ATP10A: variants seen among roughly 807,000 people sequenced by gnomAD.
ATP10A encodes the protein ATPase phospholipid transporting 10A (putative).
In ATP10A, 111 loss-of-function variants were observed where a neutral mutation model predicts 147.8. That is an observed-to-expected ratio of 0.75 (90% confidence interval 0.64 to 0.88). The LOEUF (loss-of-function observed/expected upper bound fraction) is 0.88. Ranked by LOEUF, ATP10A falls within the 40% of genes least tolerant of loss-of-function variation. The probability of loss-of-function intolerance (pLI) is 0.00; values close to 1 mark genes in which losing one functional copy is unlikely to be tolerated. For missense variants in ATP10A, 1,927 were observed against 1,959.0 expected (o/e 0.98, Z 0.31); for synonymous variants, 875 against 841.6 (o/e 1.04, Z -0.69).
Position 25,679,489 on chromosome 15 carries a change from CCCAGCCTGCTGA to C in ATP10A, c.4340_4351del (p.Val1447_Leu1450del). On this transcript the variant is annotated inframe_deletion, in exon 21 of 21. Coordinates refer to ENST00000555815, the MANE Select transcript of ATP10A (RefSeq NM_024490.4). ...CGTCCGGGAGAACTGTAAGACACTC[CCCAGCCTGCTGA>C]CCAGCGACCAGGAGGAAATCCAGTT... 1 of 1,613,956 alleles carries C rather than the reference CCCAGCCTGCTGA, an allele frequency of 6.2e-7. No homozygotes were observed. Among genetic ancestry groups the C allele is most frequent in the Non-Finnish European group, 8.5e-7 (1 of 1,179,900 alleles).
chr15:25,680,313 G>C lies in ATP10A; in HGVS notation c.3679-5C>G. 1 of 1,612,742 alleles carries C rather than the reference G, an allele frequency of 6.2e-7. No homozygotes were observed. Among genetic ancestry groups the C allele is most frequent in the Non-Finnish European group, 8.5e-7 (1 of 1,179,292 alleles). On this transcript the variant is annotated splice_polypyrimidine_tract_variant and splice_region_variant and intron_variant, in intron 19 of 20. Transcript: ENST00000555815. ...CGTTATCCAGTTGAGCCAGGTCTGA[G>C]GGGGAATGAGAAAGAAAGGGCTTTT...
At chr15:25,694,531 TTG>T (rs1900205310) in intron 14 of ATP10A, among the ~76,000 whole-genome samples, 1 of 152,184 alleles carries the variant, frequency 6.6e-6, no homozygotes, top group African/African-American at 2.4e-5. Context: ...GGCAGGTCTC[TTG>T]TGTGCTGTCT....
intron 1 of ATP10A, among the ~76,000 whole-genome samples, chr15:25,861,514 C>T (rs981533451): frequency 2.1e-4 from 32 of 152,154 alleles, no homozygotes; most frequent in African/African-American, 7.2e-4. Flanking sequence ...GCATCCATGG[C>T]TTCATCCAAG....
intron 10 of ATP10A, chr15:25,710,969 C>CT (rs1901377321): frequency 6.6e-6 from 1 of 152,202 alleles, no homozygotes; most frequent in South Asian, 2.1e-4. Context: ...CATGTGGGGA[C>CT]TTCCCGTGAG....
intron 2 of ATP10A, among the ~76,000 whole-genome samples, chr15:25,762,345 TG>T (rs1446421573): frequency 5.3e-5 from 8 of 152,194 alleles, no homozygotes; most frequent in African/African-American, 1.9e-4. Context: ...GGCACAATCA[TG>T]GCTCACTGCA....
chr15:25,737,855 C>A (rs938770659), intron 2 of ATP10A, among the ~76,000 whole-genome samples: 1 of 152,108 alleles, frequency 6.6e-6, no homozygotes, highest in Admixed American at 6.5e-5. Flanking sequence ...CAAAGACACA[C>A]AGAGGGGAGA....
At chr15:25,683,190 C>T (rs941078800) in intron 17 of ATP10A, 96 bp downstream of exon 17, 8 of 1,154,522 alleles carry the variant, frequency 6.9e-6, no homozygotes, top group Middle Eastern at 2.9e-4. Context: ...TCCAGGGTGT[C>T]CATCTGAAGG....
In ATP10A at chr15:25,862,933, C is replaced by G; in HGVS notation, c.164G>C (p.Cys55Ser). The change falls in exon 1 of 21, where the codon TGT becomes TCT. Residue 55 changes from cysteine to serine, a missense_variant. Cys to Ser is a moderately radical substitution (Grantham distance 112). Coordinates refer to ENST00000555815, the MANE Select transcript of ATP10A (RefSeq NM_024490.4). ...CCGGTTGTCGGCCAGGTGCTGGGCA[C>G]ACCCGCGCCGCCGTCGCCGCTCGCC... is the stretch of plus-strand genomic sequence containing the variant. Reference protein sequence around the residue: ...AKGERRRRRGCAQHLADNRLK... With the variant: ...AKGERRRRRGSAQHLADNRLK... The G allele has an allele frequency of 6.3e-7, 1 of 1,584,612 alleles. No homozygotes were observed. Among genetic ancestry groups the G allele is most frequent in the Non-Finnish European group, 8.6e-7 (1 of 1,168,930 alleles).
intron 1 of ATP10A, among the ~76,000 whole-genome samples, chr15:25,855,136 A>G (rs112064730): frequency 7.0e-4 from 106 of 152,214 alleles, no homozygotes; most frequent in Non-Finnish European, 1.3e-3. Context: ...CTATGAGACC[A>G]GTATAGTACT....
In ATP10A at chr15:25,747,943, A is replaced by G. The variant is rs115097397; in HGVS notation, c.655-11802T>C. ...TTAAAAAACACAAAAGTACAAGTCT[A>G]TCTTATTTAGGCAAAAATTCTTTTT... On this transcript the variant is annotated intron_variant, in intron 2 of 20. Transcript: ENST00000555815. 2.1e-3 allele frequency among the ~76,000 whole-genome samples: 313 copies of G among 152,214 alleles called. 1 individual carries two copies. Among genetic ancestry groups the G allele is most frequent in the African/African-American group, 7.3e-3 (303 of 41,552 alleles).
upstream of ATP10A, chr15:25,863,865 T>G (rs1221114974): frequency 1.3e-5 from 2 of 152,340 alleles, no homozygotes; most frequent in Non-Finnish European, 2.9e-5. Context: ...GATTCCGTTG[T>G]TGGGCGAACT....
chr15:25,748,004 G>A (rs932718753), intron 2 of ATP10A, among the ~76,000 whole-genome samples: 88 of 150,686 alleles, frequency 5.8e-4, no homozygotes, highest in African/African-American at 2.0e-3. Context: ...TCGCTCTGTC[G>A]CCGAGGCTGG....
downstream of ATP10A, chr15:25,678,418 T>C (rs565114272): frequency 6.6e-6 from 1 of 152,178 alleles, no homozygotes; most frequent in Admixed American, 6.5e-5. Context: ...ACATGCCATA[T>C]CATTGCCTTG....
At chr15:25,713,039 G>C (rs999437969) in intron 10 of ATP10A, among the ~76,000 whole-genome samples, 7 of 152,208 alleles carry the variant, frequency 4.6e-5, no homozygotes, top group African/African-American at 1.7e-4. Flanking sequence ...GTACTTCCAA[G>C]GTGCAGCAAA....
At position 25,681,266 on chromosome 15, in the gene ATP10A, T is replaced by C. The variant is rs539032218; in HGVS notation, c.3493-192A>G. On this transcript the variant is annotated intron_variant, in intron 17 of 20. Transcript: ENST00000555815. ...CATAAATACCTGATAACAAAAATGA[T>C]CATATCCACAGAAAAATATATCTAT... Among the ~76,000 whole-genome samples the C allele has an allele frequency of 5.3e-5, 8 of 152,234 alleles. No individual in the cohort carries two copies. The South Asian group carries it at 1.5e-3, about 28-fold the overall frequency.
At position 25,713,950 on chromosome 15, in the gene ATP10A, C is replaced by T. The variant is rs199604349; in HGVS notation, c.2068G>A (p.Glu690Lys). The T allele has an allele frequency of 4.5e-5, 72 of 1,610,700 alleles. No homozygotes were observed. Among genetic ancestry groups the T allele is most frequent in the Non-Finnish European group, 5.3e-5 (63 of 1,179,974 alleles). ...ELAQEQESER[E>K]LRYEAESPDE... ...GGGCTCTCCGCCTCGTACCGCAGCT[C>T]GCGCTCTGACTCCTGCTCCTGAGCA... Residue 690 changes from glutamate (E) to lysine (K), a missense_variant, in exon 10 of 21, where the codon GAG (glutamate) becomes AAG (lysine). Glu to Lys is a moderately conservative substitution (Grantham distance 56). Coordinates refer to ENST00000555815, the MANE Select transcript of ATP10A (RefSeq NM_024490.4).
intron 1 of ATP10A, among the ~76,000 whole-genome samples, chr15:25,827,703 C>CA (rs1307930503): frequency 2.0e-5 from 3 of 151,982 alleles, no homozygotes; most frequent in Non-Finnish European, 4.4e-5. Context: ...ATCTATTTGA[C>CA]AAAAAAGGCG....
downstream of ATP10A, among the ~76,000 whole-genome samples, chr15:25,672,907 G>T (rs1404088472): frequency 6.6e-6 from 1 of 152,170 alleles, no homozygotes; most frequent in South Asian, 2.1e-4. Flanking sequence ...AGGGCAAGAC[G>T]AGGTGTGCGG....
At chr15:25,767,650 T>C (rs561248949) in intron 2 of ATP10A, among the ~76,000 whole-genome samples, 2 of 152,328 alleles carry the variant, frequency 1.3e-5, no homozygotes, top group South Asian at 4.1e-4. Flanking sequence ...GGAGTCAGAA[T>C]GCAGGGGTGA....
Sources: allele counts gnomAD v4.1 joint callset (sites outside exome capture counted in the v4.1 genomes callset), GRCh38; gene constraint gnomAD v4.1.1; transcripts MANE v1.5; gene names NCBI Gene and HGNC (gene_info 2026-07-23, HGNC 2026-07-21).